Variants in REV3L observed in about 807,000 individuals in gnomAD.
REV3L encodes DNA polymerase zeta catalytic subunit.
Under a neutral mutation model 299.4 loss-of-function variants are expected in REV3L, and 69 were observed. The observed-to-expected ratio is 0.23, with a 90% confidence interval of 0.19 to 0.28. The LOEUF (loss-of-function observed/expected upper bound fraction) is 0.28. Among genes scored for constraint, REV3L ranks in the 10% least tolerant of loss-of-function variants. The probability of loss-of-function intolerance (pLI) is 1.00; values close to 1 mark genes in which losing one functional copy is unlikely to be tolerated. For missense variants in REV3L, 3,128 were observed against 3,693.8 expected (o/e 0.85, Z 3.97); for synonymous variants, 1,238 against 1,271.4 (o/e 0.97, Z 0.56).
intron 20 of REV3L, among the ~76,000 whole-genome samples, chr6:111,348,651 A>T (rs1562161032): frequency 1.3e-5 from 2 of 152,128 alleles, no homozygotes; most frequent in Non-Finnish European, 2.9e-5. Flanking sequence ...GTACAACACA[A>T]TATTTTATTG....
intron 20 of REV3L, among the ~76,000 whole-genome samples, chr6:111,348,738 T>G (rs1288957526): frequency 6.6e-6 from 1 of 152,208 alleles, no homozygotes; most frequent in Non-Finnish European, 1.5e-5. Flanking sequence ...CAACCTCGGC[T>G]GCCTGAGCTC....
intron 11 of REV3L, 40 bp downstream of exon 11, chr6:111,379,942 A>G (rs1780656008): frequency 8.5e-7 from 1 of 1,179,390 alleles, no homozygotes. Context: ...GACAATAATG[A>G]TAAAAGTTAA....
intron 26 of REV3L, among the ~76,000 whole-genome samples, chr6:111,320,160 C>G (rs914844041): frequency 2.6e-5 from 4 of 152,094 alleles, no homozygotes; most frequent in Non-Finnish European, 5.9e-5. Context: ...CCTCTGCCTC[C>G]CGGGTTCTAG....
chr6:111,448,350 T>C (rs1018270931), intron 1 of REV3L, among the ~76,000 whole-genome samples: 1 of 152,188 alleles, frequency 6.6e-6, no homozygotes. Flanking sequence ...TCTTTTCTTT[T>C]TTTTTTGAGA....
chr6:111,394,670 T>G (rs1307945402), intron 4 of REV3L, among the ~76,000 whole-genome samples: 2 of 152,080 alleles, frequency 1.3e-5, no homozygotes, highest in Non-Finnish European at 2.9e-5. Flanking sequence ...CATAAAATTT[T>G]TTCCCAGACC....
At chr6:111,363,696 TA>T (rs1778928342) in intron 16 of REV3L, among the ~76,000 whole-genome samples, 156 bp downstream of exon 16, 1 of 152,302 alleles carries the variant, frequency 6.6e-6, no homozygotes, top group East Asian at 1.9e-4. Flanking sequence ...CATAAACATG[TA>T]AATATACAAA....
At chr6:111,344,112 T>C in intron 20 of REV3L, 69 bp from the exon 21 acceptor site, 2 of 968,466 alleles carry the variant, frequency 2.1e-6, no homozygotes, top group South Asian at 1.6e-5. Context: ...TTCTAAAAGA[T>C]ACCAATATCA....
intron 1 of REV3L, among the ~76,000 whole-genome samples, chr6:111,434,430 T>C (rs1421596537): frequency 4.0e-5 from 6 of 151,542 alleles, no homozygotes; most frequent in Admixed American, 3.3e-4. Flanking sequence ...CTGGCTAACA[T>C]GGTGAAACCA....
intron 1 of REV3L, among the ~76,000 whole-genome samples, chr6:111,443,236 C>T (rs965013942): frequency 6.6e-6 from 1 of 151,918 alleles, no homozygotes; most frequent in African/African-American, 2.4e-5. Context: ...GCAACCTCCG[C>T]TTCCTGGGTT....
At chr6:111,380,250 A>G (rs942445531) in intron 10 of REV3L, 31 bp from the exon 11 acceptor site, 3 of 1,480,780 alleles carry the variant, frequency 2.0e-6, no homozygotes, top group African/African-American at 1.4e-5. Context: ...TCACCAACAA[A>G]TAAGTTTTCT....
At position 111,299,516 on chromosome 6, in the gene REV3L, T is replaced by C. The variant is rs2114662361; in HGVS notation, c.*500A>G. On this transcript the variant is annotated 3_prime_UTR_variant, in exon 32 of 32. Transcript: ENST00000368802. ...ACCTAGAGGAAATATACCAAACAAC[T>C]TGAAAATCATTTGTATAAAAATCAT... is the stretch of plus-strand genomic sequence containing the variant. 6.5e-6 allele frequency: 1 copy of C among 152,806 alleles called. No individual in the cohort carries two copies. The highest frequency in any genetic ancestry group is 1.9e-4 in the East Asian group (1 of 5,194). The allele number at this position is 152,806 out of a possible 1,614,324, so 9.5% of individuals were successfully genotyped here. A position where few individuals can be genotyped will look rare whatever the true frequency, so the allele number is the denominator to read the frequency against.
intron 23 of REV3L, among the ~76,000 whole-genome samples, chr6:111,332,350 T>C (rs1323850074): frequency 1.3e-5 from 2 of 152,128 alleles, no homozygotes; most frequent in East Asian, 3.9e-4. Context: ...GGATTACAGG[T>C]GTGAGCCACC....
chr6:111,397,841 T>C (rs1420280820), intron 4 of REV3L, among the ~76,000 whole-genome samples: 1 of 151,952 alleles, frequency 6.6e-6, no homozygotes, highest in Non-Finnish European at 1.5e-5. Context: ...CTCACTATGT[T>C]ACCTGAGCTA....
intron 31 of REV3L, among the ~76,000 whole-genome samples, chr6:111,302,993 G>A (rs1030980587): frequency 1.3e-5 from 2 of 151,814 alleles, no homozygotes; most frequent in African/African-American, 4.8e-5. Context: ...TTTTCTCTGA[G>A]GTCTGCCATC....
At chr6:111,476,394 C>T (rs1473764076) in intron 1 of REV3L, among the ~76,000 whole-genome samples, 1 of 152,120 alleles carries the variant, frequency 6.6e-6, no homozygotes, top group Admixed American at 6.5e-5. Flanking sequence ...TGGGCTGAAG[C>T]AATCCTCCCA....
chr6:111,352,566 G>A (rs1455430358), intron 18 of REV3L, among the ~76,000 whole-genome samples: 1 of 152,046 alleles, frequency 6.6e-6, no homozygotes, highest in Admixed American at 6.6e-5. Flanking sequence ...TTTTAATGCT[G>A]AGAAAGAAAA....
chr6:111,424,133 T>C (rs1344807897), intron 1 of REV3L, among the ~76,000 whole-genome samples: 2 of 152,100 alleles, frequency 1.3e-5, no homozygotes, highest in African/African-American at 4.8e-5. Flanking sequence ...ACTAAATATT[T>C]TGATTTATGT....
chr6:111,428,714 C>T (rs1786485941), intron 1 of REV3L, among the ~76,000 whole-genome samples: 3 of 151,786 alleles, frequency 2.0e-5, no homozygotes, highest in Admixed American at 6.6e-5. Context: ...ATGAAGGCTG[C>T]CTTTAAGATA....
chr6:111,443,466 G>A lies in REV3L; in HGVS notation c.140-26994C>T, dbSNP rs546884782. Among the ~76,000 whole-genome samples the A allele has an allele frequency of 1.2e-4, 18 of 152,240 alleles. No homozygotes were observed. In the East Asian group the frequency reaches 3.3e-3, roughly 28 times the overall value. On this transcript the variant is annotated intron_variant, in intron 1 of 31. Coordinates refer to ENST00000368802, the MANE Select transcript of REV3L (RefSeq NM_001372078.1). Reference sequence around the variant, plus strand: ...TACCTGCTTATATGTGGATTTTATTGTCTTCCTTTCAAGAAAGGTTTGTCC... The same window carrying A: ...TACCTGCTTATATGTGGATTTTATTATCTTCCTTTCAAGAAAGGTTTGTCC...
Sources: allele counts gnomAD v4.1 joint callset (sites outside exome capture counted in the v4.1 genomes callset), GRCh38; gene constraint gnomAD v4.1.1; transcripts MANE v1.5; gene names NCBI Gene and HGNC (gene_info 2026-07-23, HGNC 2026-07-21).